Variants in SCARB1 observed in about 807,000 individuals in gnomAD.
SCARB1 encodes scavenger receptor class B member 1.
A neutral mutation model predicts 57.2 loss-of-function variants in SCARB1; 30 were observed. That is an observed-to-expected ratio of 0.52 (90% CI 0.39 to 0.71). The LOEUF (loss-of-function observed/expected upper bound fraction) is 0.71. Among genes scored for constraint, SCARB1 ranks in the 30% least tolerant of loss-of-function variants. The probability of loss-of-function intolerance (pLI) is 0.00; values close to 1 mark genes in which losing one functional copy is unlikely to be tolerated. For missense variants in SCARB1, 543 were observed against 671.2 expected, an observed-to-expected ratio of 0.81 and a Z score of 2.11; for synonymous variants, 249 against 268.3, an observed-to-expected ratio of 0.93 and a Z score of 0.70.
intron 1 of SCARB1, among the ~76,000 whole-genome samples, chr12:124,860,419 C>T (rs1271331280): frequency 1.3e-5 from 2 of 152,198 alleles, no homozygotes. Flanking sequence ...TTTTTTGCAG[C>T]CCAGCTGCAG....
chr12:124,820,760 G>A (rs35091006), intron 1 of SCARB1, among the ~76,000 whole-genome samples: 9 of 152,138 alleles, frequency 5.9e-5, no homozygotes, highest in Non-Finnish European at 1.0e-4. Flanking sequence ...AGTAGAGCAC[G>A]AACTATATGT....
rs568103062 is a variant in SCARB1, at chr12:124,789,402, TAAG to T, written c.1203-1948_1203-1946del. Among the ~76,000 whole-genome samples, 845 of 152,268 alleles carry T rather than the reference TAAG, an allele frequency of 5.5e-3. 10 individuals are homozygous for T. The highest frequency in any genetic ancestry group is 0.02 in the African/African-American group (819 of 41,536). Reference sequence around the variant, plus strand: ...GAGACTGTCACAGCCAAAAGGTGCCTAAGGAGACCGGAAGACCAATGCGACACC... The same window carrying T: ...GAGACTGTCACAGCCAAAAGGTGCCTGAGACCGGAAGACCAATGCGACACC... On this transcript the variant is annotated intron_variant, in intron 9 of 12. Transcript: ENST00000261693. The surrounding 1 kb of genome is among the most constrained non-coding windows in gnomAD (Gnocchi z 4.4).
At chr12:124,827,815 G>T (rs1175175451) in intron 1 of SCARB1, among the ~76,000 whole-genome samples, 1 of 152,094 alleles carries the variant, frequency 6.6e-6, no homozygotes, top group Non-Finnish European at 1.5e-5. Context: ...GACCTGCCGT[G>T]TTGTTTCCAT....
chr12:124,823,222 T>C (rs1166727327), intron 1 of SCARB1, among the ~76,000 whole-genome samples: 1 of 152,238 alleles, frequency 6.6e-6, no homozygotes, highest in Non-Finnish European at 1.5e-5. Flanking sequence ...TGTTATTCCC[T>C]TTATATGTGG....
In SCARB1 at chr12:124,793,748, T is replaced by G. The variant is rs751424602; in HGVS notation, c.1202+1447A>C. On this transcript the variant is annotated intron_variant, in intron 9 of 12. Coordinates refer to ENST00000261693, the MANE Select transcript of SCARB1 (RefSeq NM_005505.5). ...ATGGGGGGCAGAGGCTGTGCAAGTCTGACTGTTCCTCAAACGGTTAAACAA... is the reference window on the plus strand; with the variant it reads ...ATGGGGGGCAGAGGCTGTGCAAGTCGGACTGTTCCTCAAACGGTTAAACAA... 5.5e-4 allele frequency among the ~76,000 whole-genome samples: 82 copies of G among 150,016 alleles called. 1 individual carries two copies. Among genetic ancestry groups the G allele is most frequent in the Non-Finnish European group, 9.4e-4 (64 of 67,782 alleles).
Position 124,814,271 on chromosome 12 carries a change from A to G in SCARB1, c.561T>C (p.Leu187=), listed in dbSNP as rs767531799. 1 of 1,614,210 alleles carries G rather than the reference A, an allele frequency of 6.2e-7. No homozygotes were observed. Among genetic ancestry groups the G allele is most frequent in the South Asian group, 1.1e-5 (1 of 91,088 alleles). Residue 187 remains leucine (L), a synonymous_variant, in exon 4 of 13, where the codon CTT becomes CTC. Transcript: ENST00000261693. The surrounding 1 kb of genome is among the most constrained non-coding windows in gnomAD (Gnocchi z 4.7). ...GEIMWGYKDP[L]VNLINKYFPG... is the part of the protein sequence containing the mutation. ...GAAAGTACTTGTTGATGAGATTCAC[A>G]AGGGGGTCCTTGTAGCCCCACATGA...
At chr12:124,860,921 T>A (rs908533925) in intron 1 of SCARB1, among the ~76,000 whole-genome samples, 5 of 152,168 alleles carry the variant, frequency 3.3e-5, no homozygotes, top group Non-Finnish European at 7.3e-5. Flanking sequence ...CATGTTCAAG[T>A]TCACCTACAC....
At chr12:124,831,793 T>C (rs1951404707) in intron 1 of SCARB1, among the ~76,000 whole-genome samples, 1 of 152,232 alleles carries the variant, frequency 6.6e-6, no homozygotes, top group African/African-American at 2.4e-5. Flanking sequence ...TGACATAATG[T>C]GCTGGGAACA....
At chr12:124,829,407 A>G (rs754789522) in intron 1 of SCARB1, among the ~76,000 whole-genome samples, 4 of 152,168 alleles carry the variant, frequency 2.6e-5, no homozygotes, top group Non-Finnish European at 4.4e-5. Context: ...TTAAAGTCAG[A>G]GCATGTCATT....
chr12:124,855,477 T>G (rs925498610), intron 1 of SCARB1, among the ~76,000 whole-genome samples: 8 of 152,170 alleles, frequency 5.3e-5, no homozygotes, highest in African/African-American at 1.9e-4. Flanking sequence ...TTGTGTTGTT[T>G]TTGTTTCTCT....
At chr12:124,793,132 T>A (rs1949790619) in intron 9 of SCARB1, among the ~76,000 whole-genome samples, 3 of 152,162 alleles carry the variant, frequency 2.0e-5, no homozygotes, top group Admixed American at 6.5e-5. Context: ...AGCTCACAGT[T>A]ATTACTCGCT....
At chr12:124,793,435 TG>T (rs1949802547) in intron 9 of SCARB1, among the ~76,000 whole-genome samples, 1 of 151,188 alleles carries the variant, frequency 6.6e-6, no homozygotes. Context: ...TGCTCACGCC[TG>T]TAATCCCAGC....
chr12:124,779,718 G>A (rs1193359526), intron 12 of SCARB1, among the ~76,000 whole-genome samples: 2 of 151,922 alleles, frequency 1.3e-5, no homozygotes, highest in Non-Finnish European at 2.9e-5. Context: ...TGCCTCCCTT[G>A]CCCTGAGCAA....
chr12:124,863,688 G>C lies in SCARB1; in HGVS notation c.33C>G (p.Ala11=), dbSNP rs747316663. The part of the protein sequence containing the change: MGCSAKARWA[A]GALGVAGLLC... ...GTAGCCCCGCGACGCCCAGCGCCCC[G>C]GCAGCCCAGCGCGCTTTGGCGGAGC... Residue 11 remains alanine (A), a synonymous_variant, in exon 1 of 13, where the codon GCC becomes GCG. Coordinates refer to ENST00000261693, the MANE Select transcript of SCARB1 (RefSeq NM_005505.5). 104 of 1,551,808 alleles carry C rather than the reference G, an allele frequency of 6.7e-5. No individual in the cohort carries two copies. The highest frequency in any genetic ancestry group is 8.5e-5 in the Non-Finnish European group (98 of 1,149,782).
intron 8 of SCARB1, among the ~76,000 whole-genome samples, chr12:124,799,315 A>G (rs1183275443): frequency 6.6e-6 from 1 of 152,168 alleles, no homozygotes; most frequent in East Asian, 1.9e-4. Flanking sequence ...GCTTGAGCCC[A>G]AGAGTTCGAG....
intron 1 of SCARB1, among the ~76,000 whole-genome samples, chr12:124,853,763 G>C (rs1488361347): frequency 3.3e-5 from 5 of 152,116 alleles, no homozygotes; most frequent in Non-Finnish European, 7.4e-5. Context: ...GTATAAATCA[G>C]CAGAGCAAAC....
At position 124,778,285 on chromosome 12, in the gene SCARB1, G is replaced by A. The variant is rs1480656725; in HGVS notation, c.*302C>T. On this transcript the variant is annotated 3_prime_UTR_variant, in exon 13 of 13. Coordinates refer to ENST00000261693, the MANE Select transcript of SCARB1 (RefSeq NM_005505.5). ...GGGACGCAGGACCCACAGCCCCTGT[G>A]GTCAGGCCTGTGGGCCACGTGGAGA... 1 of 509,034 alleles carries A rather than the reference G, an allele frequency of 2.0e-6. No homozygotes were observed. The highest frequency in any genetic ancestry group is 3.0e-6 in the Non-Finnish European group (1 of 327,932). 31.5% of individuals were successfully genotyped at this position (509,034 alleles called of 1,614,324 possible). A position where few individuals can be genotyped will look rare whatever the true frequency, so the allele number is the denominator to read the frequency against.
At chr12:124,846,647 C>G (rs1330848349) in intron 1 of SCARB1, among the ~76,000 whole-genome samples, 1 of 137,178 alleles carries the variant, frequency 7.3e-6, no homozygotes, top group Admixed American at 8.5e-5. Context: ...AGGAGAATTG[C>G]TTGAACCCGG....
intron 1 of SCARB1, among the ~76,000 whole-genome samples, chr12:124,843,236 T>A (rs1379402222): frequency 6.7e-6 from 1 of 149,196 alleles, no homozygotes; most frequent in Non-Finnish European, 1.5e-5. Flanking sequence ...CATCCGCAGC[T>A]GCTCTCCTTG....
Sources: gnomAD v4.1 joint callset for allele counts (sites outside exome capture counted in the v4.1 genomes callset) on GRCh38, gnomAD v4.1.1 for gene constraint, Gnocchi (gnomAD v3.1) non-coding constraint, MANE v1.5 for transcripts, NCBI Gene and HGNC (gene_info 2026-07-23, HGNC 2026-07-21) for gene names.